The following C6 variants were observed in gnomAD, a reference collection of about 807,000 sequenced individuals.
The protein encoded by C6 is complement component C6.
C6 carries 101 observed loss-of-function variants against 112.9 expected under a neutral mutation model. That is an observed-to-expected ratio of 0.89 (90% CI 0.76 to 1.06). The LOEUF is 1.06. C6 is among the 50% of genes least tolerant of loss of function. The pLI is 0.00. For synonymous variants in C6, 431 were observed against 384.1 expected (o/e 1.12, Z -1.43); for missense variants, 1,202 against 1,104.6 (o/e 1.09, Z -1.25).
At position 41,159,971 on chromosome 5, in the gene C6, T is replaced by C. The variant is rs565703890; in HGVS notation, c.1684+171A>G. Among the ~76,000 whole-genome samples the C allele has an allele frequency of 2.6e-5, 4 of 152,316 alleles. No individual in the cohort carries two copies. The East Asian group carries it at 5.8e-4, about 22-fold the overall frequency. ...GCTGGGTAACTTTCCCAAGCTCACA[T>C]AGTTGGTAGGTTACAGCTGAGACTC... On this transcript the variant is annotated intron_variant, in intron 11 of 17. Coordinates refer to ENST00000337836, the MANE Select transcript of C6 (RefSeq NM_000065.5).
chr5:41,202,892 C>G (rs1405291054), intron 2 of C6, among the ~76,000 whole-genome samples, 196 bp downstream of exon 2: 3 of 152,200 alleles, frequency 2.0e-5, no homozygotes, highest in African/African-American at 7.2e-5. Flanking sequence ...TTTGAAACCC[C>G]TCGTTCTTGT....
chr5:41,220,236 A>G (rs912166158), intron 1 of C6, among the ~76,000 whole-genome samples: 3 of 152,128 alleles, frequency 2.0e-5, no homozygotes, highest in Admixed American at 1.3e-4. Context: ...ATAAAAAGCT[A>G]CTTTGTCTTA....
At chr5:41,193,182 G>C in intron 5 of C6, among the ~76,000 whole-genome samples, 1 of 152,146 alleles carries the variant, frequency 6.6e-6, no homozygotes, top group East Asian at 1.9e-4. Context: ...ATGTACTTAT[G>C]TTTGTCACAA....
At chr5:41,186,597 G>A (rs975180049) in intron 5 of C6, among the ~76,000 whole-genome samples, 1 of 151,990 alleles carries the variant, frequency 6.6e-6, no homozygotes, top group Admixed American at 6.6e-5. Context: ...AATTCTAATA[G>A]AGAGCTCATA....
chr5:41,211,065 T>C (rs969161234), intron 1 of C6, among the ~76,000 whole-genome samples: 5 of 152,134 alleles, frequency 3.3e-5, no homozygotes, highest in African/African-American at 1.2e-4. Flanking sequence ...CCATAAAAAA[T>C]GATGAGTTCA....
At chr5:41,248,838 A>G (rs115741788) in intron 1 of C6, among the ~76,000 whole-genome samples, 3,648 of 152,282 alleles carry the variant, frequency 0.024, 63 homozygotes, top group Middle Eastern at 0.061. Context: ...CAAAGAAGAT[A>G]AATCATTCTA....
intron 8 of C6, among the ~76,000 whole-genome samples, chr5:41,173,455 T>C (rs1276438444): frequency 1.3e-5 from 2 of 152,182 alleles, no homozygotes; most frequent in Non-Finnish European, 2.9e-5. Context: ...CAACATTTTC[T>C]TTTTCTTAAC....
intron 1 of C6, among the ~76,000 whole-genome samples, chr5:41,236,492 A>C (rs1740313487): frequency 1.4e-5 from 2 of 146,310 alleles, no homozygotes; most frequent in African/African-American, 5.1e-5. Flanking sequence ...TACATAACGA[A>C]ATGAAGGCAG....
rs776264890 is a variant in C6 at position 41,158,738 on chromosome 5, A to C, written c.1904T>G (p.Leu635Arg). The stretch of plus-strand genomic sequence containing the variant: ...CCCGGAATCTGCTTCTATCTCAGGA[A>C]GATCGACCTCTTTCATTTCTTCGTC... ...NDDEEMKEVD[L>R]PEIEADSGCP... Residue 635 changes from leucine (L) to arginine (R), a missense_variant, in exon 13 of 18, where the codon CTT becomes CGT. Physicochemically the swap from Leu to Arg is moderately radical, Grantham distance 102 (BLOSUM62 -2). Coordinates refer to ENST00000337836, the MANE Select transcript of C6 (RefSeq NM_000065.5). 6.2e-7 allele frequency: 1 copy of C among 1,610,258 alleles called. No individual in the cohort carries two copies. Among genetic ancestry groups the C allele is most frequent in the Non-Finnish European group, 8.5e-7 (1 of 1,176,628 alleles).
chr5:41,201,444 C>G (rs1437060696), intron 3 of C6, 114 bp downstream of exon 3: 6 of 1,037,988 alleles, frequency 5.8e-6, no homozygotes, highest in South Asian at 5.5e-5. Context: ...GAAGCTGAGA[C>G]AGTTGATTTT....
rs1450067075 is a variant in C6 at position 41,181,489 on chromosome 5, T to C, written c.797A>G (p.Asn266Ser). 1.2e-6 allele frequency: 2 copies of C among 1,613,776 alleles called. No homozygotes were observed. Reference sequence around the variant, plus strand: ...CTGACTTGAGAATGAGCCTTGTTGATTTTCATTGTGTCCAAGAGAAGTTAA... The same window carrying C: ...CTGACTTGAGAATGAGCCTTGTTGACTTTCATTGTGTCCAAGAGAAGTTAA... ...KDLTSLGHNE[N>S]QQGSFSSQGG... Residue 266 changes from asparagine to serine, a missense_variant, in exon 7 of 18, where the codon AAT (asparagine) becomes AGT (serine). By Grantham distance (46) the Asn-to-Ser change is conservative (BLOSUM62 1). Transcript: ENST00000337836.
intron 9 of C6, among the ~76,000 whole-genome samples, chr5:41,163,237 T>A (rs1194795289): frequency 6.6e-6 from 1 of 151,352 alleles, no homozygotes; most frequent in African/African-American, 2.4e-5. Flanking sequence ...CATCGTAAGA[T>A]GAACACCAAA....
chr5:41,220,757 G>A (rs1365520976), intron 1 of C6, among the ~76,000 whole-genome samples: 6 of 151,958 alleles, frequency 3.9e-5, no homozygotes. Context: ...AGGTACACAT[G>A]TATATTGTGT....
At chr5:41,177,090 G>A (rs1053962319) in intron 7 of C6, among the ~76,000 whole-genome samples, 3 of 152,168 alleles carry the variant, frequency 2.0e-5, no homozygotes, top group African/African-American at 7.2e-5. Context: ...AGAATTGTGT[G>A]CATTTTGAAC....
intron 1 of C6, among the ~76,000 whole-genome samples, chr5:41,208,551 C>T (rs1157474890): frequency 6.6e-6 from 1 of 152,106 alleles, no homozygotes; most frequent in African/African-American, 2.4e-5. Context: ...CACCACCGAT[C>T]CCACAGAAAT....
chr5:41,238,527 A>G (rs1225015302), intron 1 of C6, among the ~76,000 whole-genome samples: 1 of 152,234 alleles, frequency 6.6e-6, no homozygotes, highest in South Asian at 2.1e-4. Context: ...CCAGAAGCGA[A>G]AGTAATAAAA....
At chr5:41,151,840 A>G (rs1746425269) in intron 15 of C6, among the ~76,000 whole-genome samples, 1 of 150,662 alleles carries the variant, frequency 6.6e-6, no homozygotes, top group Admixed American at 6.7e-5. Flanking sequence ...AAGGCTGCCG[A>G]AAGGCCACAG....
intron 1 of C6, among the ~76,000 whole-genome samples, chr5:41,211,459 C>T (rs560779653): frequency 6.6e-6 from 1 of 152,102 alleles, no homozygotes; most frequent in Non-Finnish European, 1.5e-5. Context: ...AGTAACTCGC[C>T]TTTCCTGGTT....
chr5:41,208,501 A>G (rs1180744576), intron 1 of C6, among the ~76,000 whole-genome samples: 1 of 152,216 alleles, frequency 6.6e-6, no homozygotes, highest in Non-Finnish European at 1.5e-5. Flanking sequence ...AAAAGAGAGA[A>G]GAATGAAATA....
Sources: gnomAD v4.1 joint callset for allele counts (sites outside exome capture counted in the v4.1 genomes callset) on GRCh38, gnomAD v4.1.1 for gene constraint, MANE v1.5 for transcripts, NCBI Gene and HGNC (gene_info 2026-07-23, HGNC 2026-07-21) for gene names.